Variants in PDIA4 observed in about 807,000 individuals in gnomAD.
The protein encoded by PDIA4 is protein disulfide isomerase family A member 4.
In PDIA4, 33 loss-of-function variants were observed where a neutral mutation model predicts 62.1. The observed-to-expected ratio is 0.53, with a 90% CI of 0.40 to 0.71. PDIA4 has a LOEUF of 0.71. Among genes scored for constraint, PDIA4 ranks in the 30% least tolerant of loss-of-function variants. PDIA4 has a pLI of 0.00. For synonymous variants in PDIA4, 341 were observed against 324.1 expected, an observed-to-expected ratio of 1.05 and a Z score of -0.56; for missense variants, 804 against 813.6, an observed-to-expected ratio of 0.99 and a Z score of 0.14.
chr7:149,010,734 G>A (rs1427360599), intron 6 of PDIA4, among the ~76,000 whole-genome samples: 1 of 152,172 alleles, frequency 6.6e-6, no homozygotes, highest in Non-Finnish European at 1.5e-5. Flanking sequence ...TCATAAGCAG[G>A]CCCAGTGACT....
chr7:149,010,071 T>C (rs1430594697), intron 6 of PDIA4, among the ~76,000 whole-genome samples: 4 of 152,162 alleles, frequency 2.6e-5, no homozygotes, highest in Non-Finnish European at 5.9e-5. Flanking sequence ...AGCCTGTGGC[T>C]TTCAGAGTCA....
intron 2 of PDIA4, 68 bp from the exon 3 acceptor site, chr7:149,019,265 A>G: frequency 1.8e-6 from 2 of 1,092,990 alleles, no homozygotes; most frequent in East Asian, 4.7e-5. Context: ...CAACAATAAT[A>G]CATACCACTT....
intron 1 of PDIA4, among the ~76,000 whole-genome samples, chr7:149,025,085 A>AAATATATATAT (rs1554446854): frequency 4.5e-4 from 10 of 22,330 alleles, no homozygotes; most frequent in African/African-American, 6.1e-4. Context: ...AAAAAAAAAA[A>AAATATATATAT]ATATATATAT....
intron 6 of PDIA4, among the ~76,000 whole-genome samples, chr7:149,010,243 T>G (rs1380837785): frequency 6.6e-6 from 1 of 152,170 alleles, no homozygotes; most frequent in Non-Finnish European, 1.5e-5. Flanking sequence ...TTCATGTCTG[T>G]AATCCCAGCA....
At chr7:149,017,929 G>T (rs1824199754) in intron 3 of PDIA4, among the ~76,000 whole-genome samples, 3 of 152,058 alleles carry the variant, frequency 2.0e-5, no homozygotes, top group Non-Finnish European at 4.4e-5. Context: ...CTGCATGCTT[G>T]TAAGAAATGC....
chr7:149,010,042 T>TG (rs1216641251), intron 6 of PDIA4, among the ~76,000 whole-genome samples: 3 of 151,984 alleles, frequency 2.0e-5, no homozygotes, highest in East Asian at 3.8e-4. Context: ...GGGCAGGGGA[T>TG]GGGGGGGCAG....
rs761904032 is a variant in PDIA4 at position 149,021,077 on chromosome 7, T to G, written c.159A>C (p.Glu53Asp). 5 of 1,613,818 alleles carry G rather than the reference T, an allele frequency of 3.1e-6. No homozygotes were observed. Among genetic ancestry groups the G allele is most frequent in the Non-Finnish European group, 3.4e-6 (4 of 1,179,796 alleles). The change falls in exon 2 of 10, where the codon GAA becomes GAC. Residue 53 changes from glutamate to aspartate, a missense_variant. By Grantham distance (45) the Glu-to-Asp change is conservative. Transcript: ENST00000652332. Reference protein sequence around the residue: ...EEEEEDDDEEEDDLEVKEENG... With the variant: ...EEEEEDDDEEDDDLEVKEENG... ...TTTCTTCCTTAACTTCCAAGTCGTCTTCTTCCTCATCATCATCTTCCTCCT... is the reference window on the plus strand; with the variant it reads ...TTTCTTCCTTAACTTCCAAGTCGTCGTCTTCCTCATCATCATCTTCCTCCT...
At chr7:149,018,315 G>A (rs759361269) in intron 3 of PDIA4, among the ~76,000 whole-genome samples, 6 of 152,034 alleles carry the variant, frequency 3.9e-5, no homozygotes, top group Non-Finnish European at 7.4e-5. Context: ...AAACTCTGGC[G>A]CTGGGGCCCA....
chr7:149,010,612 C>T (rs1823911632), intron 6 of PDIA4, among the ~76,000 whole-genome samples: 1 of 152,192 alleles, frequency 6.6e-6, no homozygotes, highest in African/African-American at 2.4e-5. Flanking sequence ...AAGAACTTCA[C>T]CTCCTGCCCA....
intron 1 of PDIA4, chr7:149,028,104 C>T: frequency 3.3e-6 from 2 of 599,058 alleles, no homozygotes; most frequent in Non-Finnish European, 6.1e-6. Context: ...CCCCGGCCAC[C>T]TTCCTCTCCC....
At chr7:149,004,974 T>C (rs76408065) in intron 9 of PDIA4, among the ~76,000 whole-genome samples, 167 bp downstream of exon 9, 1,810 of 152,306 alleles carry the variant, frequency 0.012, 29 homozygotes, top group African/African-American at 0.041. Flanking sequence ...CACCCGACAT[T>C]TCTCTGGACG....
chr7:149,023,051 G>A (rs562163345), intron 1 of PDIA4, among the ~76,000 whole-genome samples: 2 of 152,088 alleles, frequency 1.3e-5, no homozygotes, highest in East Asian at 3.9e-4. Context: ...CATCTGAGAT[G>A]AGCCTCCTGC....
At chr7:149,028,150 A>ACCGCCC (rs1221011488) in intron 1 of PDIA4, among the ~76,000 whole-genome samples, 171 bp downstream of exon 1, 9 of 149,774 alleles carry the variant, frequency 6.0e-5, no homozygotes, top group South Asian at 4.2e-4. Flanking sequence ...TGCCACAGCC[A>ACCGCCC]CCGCCCCCGC....
At chr7:149,009,317 AC>A (rs1823865505) in intron 6 of PDIA4, among the ~76,000 whole-genome samples, 1 of 152,128 alleles carries the variant, frequency 6.6e-6, no homozygotes, top group Admixed American at 6.5e-5. Context: ...CAACAAAAAA[AC>A]CCCGGAAAAG....
rs540500828 is a variant in PDIA4, at chr7:149,027,958, C to G, written c.88+363G>C. The G allele has an allele frequency of 1.1e-3, 535 of 507,728 alleles. 2 individuals carry two copies. The highest frequency in any genetic ancestry group is 8.5e-3 in the African/African-American group (438 of 51,580). The allele number at this position is 507,728 out of a possible 1,614,324, so 31.5% of individuals were successfully genotyped here. A position where few individuals can be genotyped will look rare whatever the true frequency, so the allele number is the denominator to read the frequency against. On this transcript the variant is annotated intron_variant, in intron 1 of 9. Transcript: ENST00000652332. ...CCTCTCCCTTCCCACTGCCTGGGCGCGTTCGCCTGGAGTTAGCCTGGACCT... is the reference window on the plus strand; with the variant it reads ...CCTCTCCCTTCCCACTGCCTGGGCGGGTTCGCCTGGAGTTAGCCTGGACCT...
chr7:149,012,448 T>G, intron 4 of PDIA4, 88 bp from the exon 5 acceptor site: 1 of 1,156,232 alleles, frequency 8.6e-7, no homozygotes, highest in Non-Finnish European at 1.3e-6. Context: ...CATCCTGTGC[T>G]CCCTAGTAAC....
intron 4 of PDIA4, among the ~76,000 whole-genome samples, chr7:149,012,571 T>G (rs1823985724): frequency 6.6e-6 from 1 of 151,992 alleles, no homozygotes; most frequent in South Asian, 2.1e-4. Flanking sequence ...ATTCACACAC[T>G]GGGGGTGGAG....
chr7:149,008,442 T>A, intron 6 of PDIA4, 132 bp from the exon 7 acceptor site: 1 of 863,528 alleles, frequency 1.2e-6, no homozygotes, highest in Non-Finnish European at 1.8e-6. Context: ...GGCTCACGCC[T>A]GTAATCCCAG....
rs971628686 is a variant in PDIA4, at chr7:149,012,189, C to T, written c.786G>A (p.Arg262=). 6.2e-7 allele frequency: 1 copy of T among 1,614,152 alleles called. No homozygotes were observed. Among genetic ancestry groups the T allele is most frequent in the African/African-American group, 1.3e-5 (1 of 75,026 alleles). The change falls in exon 5 of 10, where the codon AGG becomes AGA. Residue 262 remains arginine, a synonymous_variant. Transcript: ENST00000652332. ...YPTLKIFRKG[R]PYDYNGPREK... is the part of the protein sequence containing the mutation. ...CTCGTGGGCCGTTGTAGTCATAAGG[C>T]CTTCCTTTGCGGAAAATTTTCAGGG... is the stretch of plus-strand genomic sequence containing the variant.
Sources: allele counts gnomAD v4.1 joint callset (sites outside exome capture counted in the v4.1 genomes callset), GRCh38; gene constraint gnomAD v4.1.1; transcripts MANE v1.5; gene names NCBI Gene and HGNC (gene_info 2026-07-23, HGNC 2026-07-21).